The following TNRC18 variants were observed in gnomAD, a reference collection of about 807,000 sequenced individuals.
TNRC18 encodes the protein trinucleotide repeat-containing gene 18 protein.
A neutral mutation model predicts 226.7 loss-of-function variants in TNRC18; 69 were observed. The observed-to-expected ratio is 0.30, with a 90% CI of 0.25 to 0.37. The LOEUF is 0.37. Ranked by LOEUF, TNRC18 falls within the 10% of genes least tolerant of loss-of-function variation. TNRC18 has a pLI of 1.00. For missense variants in TNRC18, 4,754 were observed against 4,256.6 expected (o/e 1.12, Z -3.25); for synonymous variants, 2,449 against 1,927.6 (o/e 1.27, Z -7.09).
intron 16 of TNRC18, among the ~76,000 whole-genome samples, chr7:5,355,102 C>T (rs1187344237): frequency 6.6e-6 from 1 of 152,192 alleles, no homozygotes; most frequent in Non-Finnish European, 1.5e-5. Context: ...GGGCCAGAAC[C>T]CAGGAAGCTC....
chr7:5,311,044 T>C (rs1398105017), intron 27 of TNRC18, among the ~76,000 whole-genome samples: 2 of 152,222 alleles, frequency 1.3e-5, no homozygotes, highest in Non-Finnish European at 2.9e-5. Context: ...AAGTGTGCAT[T>C]TGTGTGGGTG....
At chr7:5,422,471 G>A (rs917079335) in intron 1 of TNRC18, among the ~76,000 whole-genome samples, 1 of 152,142 alleles carries the variant, frequency 6.6e-6, no homozygotes, top group African/African-American at 2.4e-5. Context: ...TTTGTCCTTT[G>A]CCGATTCTCG....
intron 19 of TNRC18, chr7:5,330,003 A>C (rs1454731763): frequency 1.3e-5 from 6 of 470,970 alleles, no homozygotes; most frequent in Non-Finnish European, 2.2e-5. Context: ...TGACAAATGG[A>C]GGCTCAGACA....
chr7:5,415,952 C>CA (rs112566834), intron 2 of TNRC18, among the ~76,000 whole-genome samples: 74 of 141,106 alleles, frequency 5.2e-4, no homozygotes, highest in South Asian at 1.8e-3. Context: ...ATTAAAAATA[C>CA]AAAAAAAAAA....
At chr7:5,373,245 G>T (rs1248252289) in intron 10 of TNRC18, among the ~76,000 whole-genome samples, 2 of 152,122 alleles carry the variant, frequency 1.3e-5, no homozygotes, top group Admixed American at 6.6e-5. Flanking sequence ...GATCGCTCGA[G>T]TCCAGGTGTT....
chr7:5,420,224 T>G, intron 2 of TNRC18: 1 of 355,812 alleles, frequency 2.8e-6, no homozygotes, highest in Non-Finnish European at 5.6e-6. Flanking sequence ...CGGGAAATGG[T>G]GGAGGCCGCG....
chr7:5,395,368 G>T (rs975689650), intron 2 of TNRC18, among the ~76,000 whole-genome samples: 1 of 152,214 alleles, frequency 6.6e-6, no homozygotes, highest in African/African-American at 2.4e-5. Flanking sequence ...TAGGGGCCAC[G>T]GGGCAGACTG....
At chr7:5,334,994 C>T (rs1789939964) in intron 18 of TNRC18, among the ~76,000 whole-genome samples, 1 of 152,094 alleles carries the variant, frequency 6.6e-6, no homozygotes, top group Non-Finnish European at 1.5e-5. Flanking sequence ...ACTGGCAACA[C>T]AGAAGAGAAT....
chr7:5,357,616 G>A lies in TNRC18; in HGVS notation c.4834-340C>T, dbSNP rs137953640. On this transcript the variant is annotated intron_variant, in intron 15 of 29. Coordinates refer to ENST00000430969, the MANE Select transcript of TNRC18 (RefSeq NM_001080495.3). ...TCCCGCCTCAGCTTTTCTGGTAGCT[G>A]GGAATACAGGCGTGCGCCACCACTC... 2.9e-3 allele frequency among the ~76,000 whole-genome samples: 436 copies of A among 152,240 alleles called. 5 individuals carry two copies. Among genetic ancestry groups the A allele is most frequent in the African/African-American group, 0.01 (418 of 41,554 alleles).
intron 5 of TNRC18, among the ~76,000 whole-genome samples, chr7:5,378,493 A>G (rs1219442283): frequency 6.7e-6 from 1 of 150,194 alleles, no homozygotes; most frequent in Non-Finnish European, 1.5e-5. Flanking sequence ...ATCTCGGCTC[A>G]CTGCAAGCTC....
rs1787315779 is a variant in TNRC18, at chr7:5,312,359, C to T, written c.8388+144G>A. On this transcript the variant is annotated intron_variant, in intron 27 of 29. Coordinates refer to ENST00000430969, the MANE Select transcript of TNRC18 (RefSeq NM_001080495.3). This position sits in a 1 kb window ranked among gnomAD's most constrained non-coding sequence, Gnocchi z 6.3. Reference sequence around the variant, plus strand: ...GAGGACACTCTGAGACTCAGTGTACCCATCCATAAAGTGGGACGCCAGCCC... The same window carrying T: ...GAGGACACTCTGAGACTCAGTGTACTCATCCATAAAGTGGGACGCCAGCCC... 2.1e-5 allele frequency: 25 copies of T among 1,196,512 alleles called. No individual in the cohort carries two copies. The South Asian group carries it at 4.0e-4, about 19-fold the overall frequency. 74.1% of individuals were successfully genotyped at this position (1,196,512 alleles called of 1,614,324 possible). A position where few individuals can be genotyped will look rare whatever the true frequency, so the allele number is the denominator to read the frequency against.
rs1434888592 is a variant in TNRC18 at position 5,388,661 on chromosome 7, A to T, written c.1163T>A (p.Ile388Asn). Residue 388 changes from isoleucine to asparagine, a missense_variant, in exon 5 of 30, where the codon ATC (isoleucine) becomes AAC (asparagine). Coordinates refer to ENST00000430969, the MANE Select transcript of TNRC18 (RefSeq NM_001080495.3). ...VEAFDERPGP[I>N]QIASQARDAR... Reference sequence around the variant, plus strand: ...ATCGCGCGCCTGGGATGCGATCTGGATGGGCCCCGGGCGCTCGTCGAAGGC... The same window carrying T: ...ATCGCGCGCCTGGGATGCGATCTGGTTGGGCCCCGGGCGCTCGTCGAAGGC... The T allele has an allele frequency of 3.9e-6, 5 of 1,276,588 alleles. No homozygotes were observed. The highest frequency in any genetic ancestry group is 5.0e-6 in the Non-Finnish European group (5 of 1,009,748). 79.1% of individuals were successfully genotyped at this position (1,276,588 alleles called of 1,614,324 possible).
chr7:5,394,503 A>C lies in TNRC18; in HGVS notation c.280T>G (p.Phe94Val). ...SPVPLPSDLS[F>V]RSPTPSNLPM... ...AGGTTGCTAGGGGTTGGGGAGCGGA[A>C]AGACAGGTCAGAGGGCAGTGGCACT... is the stretch of plus-strand genomic sequence containing the variant. Residue 94 changes from phenylalanine (F) to valine (V), a missense_variant, in exon 3 of 30, where the codon TTC (phenylalanine) becomes GTC (valine). Physicochemically the swap from Phe to Val is conservative, Grantham distance 50 (BLOSUM62 -1). Coordinates refer to ENST00000430969, the MANE Select transcript of TNRC18 (RefSeq NM_001080495.3). The surrounding 1 kb of genome is among the most constrained non-coding windows in gnomAD (Gnocchi z 4.5). 6.4e-7 allele frequency: 1 copy of C among 1,561,830 alleles called. No individual in the cohort carries two copies. The highest frequency in any genetic ancestry group is 1.4e-5 in the African/African-American group (1 of 73,264).
chr7:5,334,175 G>A (rs969655060), intron 18 of TNRC18, among the ~76,000 whole-genome samples: 1 of 152,366 alleles, frequency 6.6e-6, no homozygotes, highest in East Asian at 1.9e-4. Context: ...CTGACCCCGG[G>A]GGGCAGCCGT....
chr7:5,348,388 C>G (rs1791426783), intron 17 of TNRC18, among the ~76,000 whole-genome samples: 1 of 152,190 alleles, frequency 6.6e-6, no homozygotes, highest in South Asian at 2.1e-4. Flanking sequence ...ACACCAGACC[C>G]TTTCTCTCCA....
intron 17 of TNRC18, among the ~76,000 whole-genome samples, chr7:5,349,551 C>T (rs1053125981): frequency 9.2e-5 from 14 of 152,120 alleles, no homozygotes; most frequent in East Asian, 3.9e-4. Flanking sequence ...GGGCGAACCC[C>T]GAGGAGGGAG....
chr7:5,361,264 G>A (rs938011113), intron 14 of TNRC18, among the ~76,000 whole-genome samples: 1 of 152,222 alleles, frequency 6.6e-6, no homozygotes, highest in African/African-American at 2.4e-5. Flanking sequence ...GCAGCCCAGC[G>A]GGTCCTTCCG....
chr7:5,362,046 C>T lies in TNRC18; in HGVS notation c.4396-13G>A, dbSNP rs1259634424. The T allele has an allele frequency of 3.1e-6, 5 of 1,611,036 alleles. No individual in the cohort carries two copies. The highest frequency in any genetic ancestry group is 3.4e-6 in the Non-Finnish European group (4 of 1,178,428). ...TCATGGCATACATCTGGGGGAAGAA[C>T]CGGGAGAGGAGGAGGGGGTGAGGAT... On this transcript the variant is annotated splice_polypyrimidine_tract_variant and intron_variant, in intron 12 of 29. Transcript: ENST00000430969.
intron 2 of TNRC18, among the ~76,000 whole-genome samples, chr7:5,414,537 A>G (rs1308060391): frequency 1.3e-5 from 2 of 151,574 alleles, no homozygotes; most frequent in Admixed American, 1.3e-4. Context: ...CTCAGCCTCC[A>G]GAGTAGCTGG....
Sources: allele counts gnomAD v4.1 joint callset (sites outside exome capture counted in the v4.1 genomes callset), GRCh38; gene constraint gnomAD v4.1.1; non-coding constraint Gnocchi (gnomAD v3.1); transcripts MANE v1.5; gene names NCBI Gene and HGNC (gene_info 2026-07-23, HGNC 2026-07-21).